MDGA2: variants seen among roughly 807,000 people sequenced by gnomAD.
The protein encoded by MDGA2 is MAM domain-containing glycosylphosphatidylinositol anchor protein 2.
In MDGA2, 40 loss-of-function variants were observed where a neutral mutation model predicts 117.8. The observed-to-expected ratio is 0.34, with a 90% CI of 0.26 to 0.44. The LOEUF is 0.44. Ranked by LOEUF, MDGA2 falls within the 20% of genes least tolerant of loss-of-function variation. MDGA2 has a pLI of 1.00. For missense variants in MDGA2, 1,123 were observed against 1,250.6 expected, an observed-to-expected ratio of 0.90 and a Z score of 1.54; for synonymous variants, 452 against 439.0, an observed-to-expected ratio of 1.03 and a Z score of -0.37.
intron 7 of MDGA2, among the ~76,000 whole-genome samples, chr14:47,040,015 T>G (rs985097522): frequency 1.3e-5 from 2 of 152,172 alleles, no homozygotes; most frequent in Admixed American, 1.3e-4. Context: ...AATATCATGT[T>G]GTAATCCTCA....
chr14:47,559,647 A>G (rs1895757671), intron 1 of MDGA2, among the ~76,000 whole-genome samples: 1 of 149,208 alleles, frequency 6.7e-6, no homozygotes, highest in South Asian at 2.1e-4. Flanking sequence ...ATCTTGGCTC[A>G]CTGCAACCCC....
At chr14:47,001,248 C>T (rs1887521051) in intron 8 of MDGA2, among the ~76,000 whole-genome samples, 1 of 151,366 alleles carries the variant, frequency 6.6e-6, no homozygotes, top group South Asian at 2.1e-4. Context: ...AGAAATCCAG[C>T]TGAATAAAAA....
chr14:46,908,404 T>C (rs1185081818), intron 10 of MDGA2, among the ~76,000 whole-genome samples: 1 of 152,172 alleles, frequency 6.6e-6, no homozygotes, highest in Non-Finnish European at 1.5e-5. Context: ...TTTAAAATTG[T>C]GATTATTGAG....
chr14:47,111,741 T>C (rs547408539), intron 5 of MDGA2, among the ~76,000 whole-genome samples: 5 of 152,122 alleles, frequency 3.3e-5, no homozygotes, highest in African/African-American at 1.2e-4. Context: ...ACAGTAGCAG[T>C]TGGTAATCTG....
chr14:47,474,471 GA>G (rs202050838), intron 1 of MDGA2, among the ~76,000 whole-genome samples: 28 of 149,932 alleles, frequency 1.9e-4, no homozygotes, highest in Non-Finnish European at 3.3e-4. Flanking sequence ...CCCAGAATTA[GA>G]AAAAAAAAGC....
rs1896998081 is a variant in MDGA2, at chr14:47,619,044, T to G, written c.280+55473A>C. On this transcript the variant is annotated intron_variant, in intron 1 of 16. Coordinates refer to ENST00000399232, the MANE Select transcript of MDGA2 (RefSeq NM_001113498.3). The stretch of plus-strand genomic sequence containing the variant: ...GAATCAAGGTTTTGATACACAGCCC[T>G]GAAGTACAAATCTCTAGGTTATAAT... 2.6e-5 allele frequency among the ~76,000 whole-genome samples: 4 copies of G among 151,532 alleles called. 1 individual carries two copies. The South Asian group carries it at 8.3e-4, about 32-fold the overall frequency.
At chr14:47,350,229 G>GT (rs1890848956) in intron 1 of MDGA2, among the ~76,000 whole-genome samples, 1 of 152,158 alleles carries the variant, frequency 6.6e-6, no homozygotes, top group Non-Finnish European at 1.5e-5. Flanking sequence ...TGTATTGTGT[G>GT]TAAGTTCACC....
rs61280975 is a variant in MDGA2 at position 47,361,207 on chromosome 14, C to CTCTCTATATA, written c.281-59658_281-59657insTATATAGAGA. Among the ~76,000 whole-genome samples, 651 of 140,506 alleles carry CTCTCTATATA rather than the reference C, an allele frequency of 4.6e-3. 2 individuals carry two copies. The highest frequency in any genetic ancestry group is 7.5e-3 in the Non-Finnish European group (497 of 65,976). The allele number at this position is 140,506 out of a possible 152,430, so 92.2% of individuals were successfully genotyped here. ...TTGTACTCTCTCTCTCTCTCTCTCT[C>CTCTCTATATA]TATATATATATATATATATATGGCA... On this transcript the variant is annotated intron_variant, in intron 1 of 16. Transcript: ENST00000399232.
At chr14:47,215,747 A>G (rs956049878) in intron 3 of MDGA2, among the ~76,000 whole-genome samples, 7 of 152,284 alleles carry the variant, frequency 4.6e-5, no homozygotes, top group African/African-American at 1.7e-4. Flanking sequence ...AGAGTATAGA[A>G]CTTAACATCA....
chr14:47,248,394 A>C (rs1317301581), intron 2 of MDGA2, among the ~76,000 whole-genome samples: 1 of 151,696 alleles, frequency 6.6e-6, no homozygotes, highest in Non-Finnish European at 1.5e-5. Flanking sequence ...TCATGTTAGA[A>C]AGTTTAGGAA....
chr14:47,145,799 G>A (rs1882919219), intron 3 of MDGA2, among the ~76,000 whole-genome samples: 1 of 152,076 alleles, frequency 6.6e-6, no homozygotes, highest in South Asian at 2.1e-4. Flanking sequence ...TTTAATGAAT[G>A]CTTAATAAAA....
intron 3 of MDGA2, among the ~76,000 whole-genome samples, chr14:47,188,214 G>A (rs1045926154): frequency 2.0e-5 from 3 of 152,060 alleles, no homozygotes; most frequent in African/African-American, 7.2e-5. Context: ...CTTTGAATGT[G>A]GGCTGGACCT....
intron 1 of MDGA2, among the ~76,000 whole-genome samples, chr14:47,482,537 A>G (rs1367826661): frequency 1.3e-5 from 2 of 152,098 alleles, no homozygotes; most frequent in African/African-American, 4.8e-5. Flanking sequence ...CTGACTCTGA[A>G]AAATGCAGAT....
intron 5 of MDGA2, among the ~76,000 whole-genome samples, chr14:47,123,757 AT>A (rs1012086426): frequency 6.6e-6 from 1 of 152,068 alleles, no homozygotes; most frequent in Admixed American, 6.6e-5. Flanking sequence ...TCATGAACTT[AT>A]TTCAAGATTA....
chr14:47,211,517 G>C (rs573747565), intron 3 of MDGA2, among the ~76,000 whole-genome samples: 1 of 152,242 alleles, frequency 6.6e-6, no homozygotes, highest in South Asian at 2.1e-4. Flanking sequence ...GAGACCCTGA[G>C]CTCAGGAAGC....
intron 8 of MDGA2, among the ~76,000 whole-genome samples, chr14:47,032,156 C>A (rs1888685987): frequency 6.6e-6 from 1 of 151,876 alleles, no homozygotes; most frequent in Non-Finnish European, 1.5e-5. Flanking sequence ...AAGGATGATA[C>A]AAAATATATA....
At chr14:46,952,009 C>T (rs1003545361) in intron 9 of MDGA2, among the ~76,000 whole-genome samples, 2 of 151,612 alleles carry the variant, frequency 1.3e-5, no homozygotes, top group Non-Finnish European at 2.9e-5. Context: ...ACTAAATGTC[C>T]GTGGCTCTGA....
At chr14:47,539,756 T>C (rs1895298382) in intron 1 of MDGA2, among the ~76,000 whole-genome samples, 2 of 152,224 alleles carry the variant, frequency 1.3e-5, no homozygotes, top group African/African-American at 4.8e-5. Context: ...AAACTCACTT[T>C]CTTTACAGCC....
At chr14:46,983,097 G>A (rs938620741) in intron 8 of MDGA2, among the ~76,000 whole-genome samples, 2 of 151,968 alleles carry the variant, frequency 1.3e-5, no homozygotes, top group South Asian at 2.1e-4. Flanking sequence ...CTGTTAATAT[G>A]CTGGATTACG....
Sources: allele counts gnomAD v4.1 joint callset (sites outside exome capture counted in the v4.1 genomes callset), GRCh38; gene constraint gnomAD v4.1.1; transcripts MANE v1.5; gene names NCBI Gene and HGNC (gene_info 2026-07-23, HGNC 2026-07-21).